The following WDR27 variants were observed in gnomAD, a reference collection of about 807,000 sequenced individuals.
The protein encoded by WDR27 is WD repeat-containing protein 27.
In WDR27, 100 loss-of-function variants were observed where a neutral mutation model predicts 114.4. That is an observed-to-expected ratio of 0.87 (90% CI 0.74 to 1.03). WDR27 has a LOEUF of 1.03. Ranked by LOEUF, WDR27 falls within the 50% of genes least tolerant of loss-of-function variation. WDR27 has a pLI of 0.00. For synonymous variants in WDR27, 449 were observed against 423.1 expected (o/e 1.06, Z -0.75); for missense variants, 1,129 against 1,092.9 (o/e 1.03, Z -0.47).
At chr6:169,565,999 T>C (rs532157724) in intron 25 of WDR27, among the ~76,000 whole-genome samples, 6 of 152,380 alleles carry the variant, frequency 3.9e-5, no homozygotes, top group African/African-American at 1.4e-4. Flanking sequence ...TTATGATCAA[T>C]GTGTCTTCAA....
rs117488403 is a variant in WDR27 at position 169,480,325 on chromosome 6, C to T, written c.2646-22691G>A. ...TGACATGCCCGAGCCCCACCCCTGC[C>T]ACTCCCGTGAGCTCCCACGTGGCCC... On this transcript the variant is annotated intron_variant, in intron 25 of 25. Transcript: ENST00000448612. 6.4e-4 allele frequency among the ~76,000 whole-genome samples: 98 copies of T among 152,314 alleles called. No individual in the cohort carries two copies. The East Asian group carries it at 0.017, about 26-fold the overall frequency.
At chr6:169,505,623 AGT>A (rs535553600) in intron 25 of WDR27, among the ~76,000 whole-genome samples, 61 of 152,318 alleles carry the variant, frequency 4.0e-4, no homozygotes, top group Non-Finnish European at 7.8e-4. Context: ...ATCACATGTG[AGT>A]CTCCAGCTCA....
intron 25 of WDR27, among the ~76,000 whole-genome samples, chr6:169,466,986 T>C (rs557455778): frequency 6.6e-6 from 1 of 152,210 alleles, no homozygotes; most frequent in East Asian, 1.9e-4. Flanking sequence ...ATTGGGTAAA[T>C]ACCCATTTCA....
rs1035813704 is a variant in WDR27 at position 169,635,956 on chromosome 6, A to G, written c.2003+415T>C. Among the ~76,000 whole-genome samples, 10 of 152,218 alleles carry G rather than the reference A, an allele frequency of 6.6e-5. No individual in the cohort carries two copies. In the South Asian group the frequency reaches 1.2e-3, roughly 19 times the overall value. On this transcript the variant is annotated intron_variant, in intron 19 of 25. Coordinates refer to ENST00000448612, the MANE Select transcript of WDR27 (RefSeq NM_182552.5). ...TTTATTTCTTTAAAAATTCTGGAAA[A>G]CAAAGATAGTGAAATGTTAATACTT...
the WDR27 span, among the ~76,000 whole-genome samples, chr6:169,428,608 A>AGGGGGGGGGTGGGGGGGGGGGGGG: frequency 8.7e-6 from 1 of 114,468 alleles, no homozygotes; most frequent in Non-Finnish European, 1.8e-5. Flanking sequence ...GGCGGGGGGG[A>AGGGGGGGGGTGGGGGGGGGGGGGG]GGGGGGGGTT....
chr6:169,603,660 G>A (rs1002018506), intron 22 of WDR27, among the ~76,000 whole-genome samples: 4 of 152,200 alleles, frequency 2.6e-5, no homozygotes, highest in Non-Finnish European at 5.9e-5. Context: ...TCAGTGAAGA[G>A]GCCATAGAGA....
intron 25 of WDR27, among the ~76,000 whole-genome samples, chr6:169,511,897 T>G (rs1040302151): frequency 4.6e-5 from 7 of 152,184 alleles, no homozygotes; most frequent in African/African-American, 1.7e-4. Flanking sequence ...GGTTTACTGC[T>G]TTCCTAAAAG....
chr6:169,613,486 GAA>G (rs1811089235), intron 22 of WDR27, 71 bp downstream of exon 22: 43 of 1,243,106 alleles, frequency 3.5e-5, no homozygotes, highest in Non-Finnish European at 4.7e-5. Flanking sequence ...ATCACATTCG[GAA>G]AAGAGATCAG....
At chr6:169,602,157 A>G in intron 23 of WDR27, 62 bp downstream of exon 23, 1 of 1,237,820 alleles carries the variant, frequency 8.1e-7, no homozygotes, top group Non-Finnish European at 1.1e-6. Context: ...ACAATATTAA[A>G]CAGTCTACAC....
chr6:169,598,991 C>CT (rs201894397), intron 23 of WDR27, among the ~76,000 whole-genome samples: 41 of 151,776 alleles, frequency 2.7e-4, no homozygotes, highest in Middle Eastern at 3.4e-3. Flanking sequence ...GAAGTTATTT[C>CT]TTTTTTTTTA....
intron 12 of WDR27, 127 bp downstream of exon 12, chr6:169,658,958 AT>A (rs1439827836): frequency 1.5e-6 from 2 of 1,321,224 alleles, no homozygotes; most frequent in Non-Finnish European, 1.0e-6. Flanking sequence ...AAGTGCTGGG[AT>A]TATAGGCGTG....
At chr6:169,636,698 T>A (rs1440966228) in intron 18 of WDR27, among the ~76,000 whole-genome samples, 194 bp from the exon 19 acceptor site, 1 of 152,262 alleles carries the variant, frequency 6.6e-6, no homozygotes, top group African/African-American at 2.4e-5. Flanking sequence ...ATTAAAATGT[T>A]ACTGTAATGA....
At chr6:169,607,193 A>G (rs982939913) in intron 22 of WDR27, among the ~76,000 whole-genome samples, 1 of 151,990 alleles carries the variant, frequency 6.6e-6, no homozygotes, top group Non-Finnish European at 1.5e-5. Context: ...CTCTCAAAGA[A>G]CTAAAAATAT....
At chr6:169,588,232 C>T (rs1805033743) in intron 23 of WDR27, among the ~76,000 whole-genome samples, 1 of 152,166 alleles carries the variant, frequency 6.6e-6, no homozygotes, top group Non-Finnish European at 1.5e-5. Context: ...GGAGGGACTA[C>T]AGTTGAGTTT....
chr6:169,562,801 G>A (rs1035334932), intron 25 of WDR27, among the ~76,000 whole-genome samples: 1 of 152,182 alleles, frequency 6.6e-6, no homozygotes, highest in Non-Finnish European at 1.5e-5. Flanking sequence ...AGTGAAATAA[G>A]GAACAGCGAG....
chr6:169,613,164 G>C (rs946680112), intron 22 of WDR27, among the ~76,000 whole-genome samples: 7 of 152,212 alleles, frequency 4.6e-5, no homozygotes, highest in African/African-American at 1.7e-4. Context: ...GAGGAGGTAG[G>C]AAAAGGAGAG....
At chr6:169,692,387 A>T (rs1028875988) in intron 1 of WDR27, among the ~76,000 whole-genome samples, 9 of 152,216 alleles carry the variant, frequency 5.9e-5, no homozygotes, top group African/African-American at 2.2e-4. Flanking sequence ...AGGAGTGGGT[A>T]AAAGGGAAGT....
Position 169,645,023 on chromosome 6 carries a change from T to TA in WDR27, c.1658-1238dup, listed in dbSNP as rs776362942. 2.2e-3 allele frequency among the ~76,000 whole-genome samples: 101 copies of TA among 46,962 alleles called. 1 individual carries two copies. Among genetic ancestry groups the TA allele is most frequent in the Non-Finnish European group, 3.3e-3 (84 of 25,524 alleles). 30.8% of individuals were successfully genotyped at this position (46,962 alleles called of 152,430 possible). On this transcript the variant is annotated intron_variant, in intron 16 of 25. Transcript: ENST00000448612. ...GACTCCGTCTCAAAAAAAAAAAAAATAAAAAAAAAAAATAAAAAAAAAAAA... is the reference window on the plus strand; with the variant it reads ...GACTCCGTCTCAAAAAAAAAAAAAATAAAAAAAAAAAAATAAAAAAAAAAAA...
rs965999219 is a variant in WDR27, at chr6:169,636,461, T to G, written c.1913A>C (p.Tyr638Ser). The G allele has an allele frequency of 6.2e-7, 1 of 1,613,780 alleles. No homozygotes were observed. Among genetic ancestry groups the G allele is most frequent in the Non-Finnish European group, 8.5e-7 (1 of 1,179,832 alleles). Residue 638 changes from tyrosine (Y) to serine (S), a missense_variant, in exon 19 of 26, where the codon TAT becomes TCT. Tyr to Ser is a moderately radical substitution (Grantham distance 144, BLOSUM62 -2). Coordinates refer to ENST00000448612, the MANE Select transcript of WDR27 (RefSeq NM_182552.5). ...FSKPIQSAQF[Y>S]YIDAFILLSS... ...TAACAATATAAAGGCATCTATATAA[T>G]AGAACTGTGCAGACTGTATAGGTTT... is the stretch of plus-strand genomic sequence containing the variant.
Sources: allele counts gnomAD v4.1 joint callset (sites outside exome capture counted in the v4.1 genomes callset), GRCh38; gene constraint gnomAD v4.1.1; transcripts MANE v1.5; gene names NCBI Gene and HGNC (gene_info 2026-07-23, HGNC 2026-07-21).